THOC5: variants seen among roughly 807,000 people sequenced by gnomAD.
The protein encoded by THOC5 is Fms-interacting protein.
A neutral mutation model predicts 92.9 loss-of-function variants in THOC5; 43 were observed. That is an observed-to-expected ratio of 0.46 (90% CI 0.36 to 0.60). The LOEUF (loss-of-function observed/expected upper bound fraction) is 0.60. Ranked by LOEUF, THOC5 falls within the 20% of genes least tolerant of loss-of-function variation. The pLI is 0.00. For missense variants in THOC5, 659 were observed against 849.4 expected, an observed-to-expected ratio of 0.78 and a Z score of 2.79; for synonymous variants, 296 against 320.1, an observed-to-expected ratio of 0.92 and a Z score of 0.80.
rs1365820850 is a variant in THOC5, at chr22:29,542,862, A to G, written c.449T>C (p.Phe150Ser). The G allele has an allele frequency of 6.2e-7, 1 of 1,612,126 alleles. No individual in the cohort carries two copies. The highest frequency in any genetic ancestry group is 2.2e-5 in the East Asian group (1 of 44,866). ...AGCCCTGTCCTCCCAAACTCACTTA[A>G]ACTCCAAACATTTGGTGATCTCCTT... is the stretch of plus-strand genomic sequence containing the variant. ...LQKEITKCLE[F>S]KSKHEEIDLV... The change falls in exon 5 of 20, where the codon TTT becomes TCT. Residue 150 changes from phenylalanine (F) to serine (S), a missense_variant. Phe to Ser is a radical substitution (Grantham distance 155, BLOSUM62 -2). Coordinates refer to ENST00000490103, the MANE Select transcript of THOC5 (RefSeq NM_003678.5).
At position 29,517,075 on chromosome 22, in the gene THOC5, A is replaced by G; in HGVS notation, c.1635T>C (p.Ala545=). Reference sequence around the variant, plus strand: ...CCATGTAGTAGAGATTGGTGTCCCCAGCCAGTCCCGCATCCACAATGTCTT... The same window carrying G: ...CCATGTAGTAGAGATTGGTGTCCCCGGCCAGTCCCGCATCCACAATGTCTT... The part of the protein sequence containing the change: ...FTKDIVDAGL[A]GDTNLYYMAL... The change falls in exon 17 of 20, where the codon GCT becomes GCC. Residue 545 remains alanine, a synonymous_variant. Coordinates refer to ENST00000490103, the MANE Select transcript of THOC5 (RefSeq NM_003678.5). The G allele has an allele frequency of 6.2e-7, 1 of 1,614,170 alleles. No homozygotes were observed. Among genetic ancestry groups the G allele is most frequent in the Non-Finnish European group, 8.5e-7 (1 of 1,180,034 alleles).
At chr22:29,536,579 G>C (rs200949859) in intron 7 of THOC5, 45 bp downstream of exon 7, 1 of 1,159,660 alleles carries the variant, frequency 8.6e-7, no homozygotes, top group African/African-American at 1.5e-5. Context: ...TTCTGGCAGC[G>C]CCTGGTCAGT....
intron 12 of THOC5, among the ~76,000 whole-genome samples, chr22:29,521,919 C>T (rs1035387997): frequency 1.3e-5 from 2 of 152,100 alleles, no homozygotes; most frequent in South Asian, 4.2e-4. Flanking sequence ...CGTTTTGGCC[C>T]CAGCATGCCT....
At chr22:29,553,109 T>C (rs200205210) in intron 1 of THOC5, among the ~76,000 whole-genome samples, 33 of 152,160 alleles carry the variant, frequency 2.2e-4, no homozygotes, top group African/African-American at 5.8e-4. Flanking sequence ...TGCGGAAGGC[T>C]GCAGGGTCCT....
chr22:29,553,002 G>A (rs936815424), intron 1 of THOC5, among the ~76,000 whole-genome samples: 1 of 152,124 alleles, frequency 6.6e-6, no homozygotes, highest in Non-Finnish European at 1.5e-5. Flanking sequence ...ATTAAGGGCG[G>A]GGCAAGATGT....
At chr22:29,514,686 G>A (rs1167847259) in intron 17 of THOC5, among the ~76,000 whole-genome samples, 1 of 150,540 alleles carries the variant, frequency 6.6e-6, no homozygotes, top group East Asian at 2.0e-4. Context: ...ATTTCACAAT[G>A]CACTCAAATG....
At chr22:29,547,249 T>C (rs562171329) in intron 2 of THOC5, among the ~76,000 whole-genome samples, 1 of 152,206 alleles carries the variant, frequency 6.6e-6, no homozygotes, top group South Asian at 2.1e-4. Context: ...CAGGGGCAAA[T>C]GTTTTCAGTC....
intron 9 of THOC5, 192 bp downstream of exon 9, chr22:29,528,970 G>T (rs975148016): frequency 1.2e-5 from 7 of 594,786 alleles, no homozygotes; most frequent in Non-Finnish European, 2.1e-5. Context: ...TGAGTGGCAG[G>T]GCTGAAATCC....
chr22:29,542,987 G>C, intron 4 of THOC5, 31 bp from the exon 5 acceptor site: 2 of 1,539,098 alleles, frequency 1.3e-6, no homozygotes, highest in Non-Finnish European at 8.9e-7. Flanking sequence ...GAAGTGAGCA[G>C]GGCAAGTCAG....
At position 29,528,800 on chromosome 22, in the gene THOC5, G is replaced by A. The variant is rs1055839163; in HGVS notation, c.926-334C>T. On this transcript the variant is annotated intron_variant, in intron 9 of 19. Transcript: ENST00000490103. ...ATAGTAGTAGAAGCATGCATAACTT[G>A]AGGGGGTACTATGTGCTGAGAATTA... 16 of 502,560 alleles carry A rather than the reference G, an allele frequency of 3.2e-5. No individual in the cohort carries two copies. In the Admixed American group the frequency reaches 3.6e-4, roughly 11 times the overall value. 31.1% of individuals were successfully genotyped at this position (502,560 alleles called of 1,614,324 possible). A position where few individuals can be genotyped will look rare whatever the true frequency, so the allele number is the denominator to read the frequency against.
intron 2 of THOC5, 37 bp from the exon 3 acceptor site, chr22:29,544,640 G>A: frequency 6.6e-7 from 1 of 1,521,150 alleles, no homozygotes; most frequent in Non-Finnish European, 8.9e-7. Flanking sequence ...TGTGCATGGG[G>A]TAAAAGTCTC....
intron 9 of THOC5, 34 bp downstream of exon 9, chr22:29,529,128 G>A (rs1197980937): frequency 1.2e-6 from 2 of 1,608,456 alleles, no homozygotes; most frequent in Admixed American, 1.7e-5. Flanking sequence ...GTGACCTGGT[G>A]TCCCTGGGGG....
At chr22:29,541,008 G>C (rs1469872755) in intron 5 of THOC5, among the ~76,000 whole-genome samples, 1 of 152,050 alleles carries the variant, frequency 6.6e-6, no homozygotes, top group Non-Finnish European at 1.5e-5. Flanking sequence ...TCTGAAGTCA[G>C]GAGTTTGAGA....
chr22:29,553,700 G>C lies in THOC5; in HGVS notation c.-41C>G, dbSNP rs1375412374. On this transcript the variant is annotated 5_prime_UTR_variant, in exon 1 of 20. Coordinates refer to ENST00000490103, the MANE Select transcript of THOC5 (RefSeq NM_003678.5). Reference sequence around the variant, plus strand: ...CAGCTCCAAGAACCTGGCACCGGGAGTAAGCCACTGCCGGAGGCGGAGCAA... The same window carrying C: ...CAGCTCCAAGAACCTGGCACCGGGACTAAGCCACTGCCGGAGGCGGAGCAA... 1.2e-4 allele frequency: 19 copies of C among 152,496 alleles called. No homozygotes were observed. Among genetic ancestry groups the C allele is most frequent in the Admixed American group, 1.2e-3 (18 of 15,284 alleles). 9.4% of individuals were successfully genotyped at this position (152,496 alleles called of 1,614,324 possible). A position where few individuals can be genotyped will look rare whatever the true frequency, so the allele number is the denominator to read the frequency against.
chr22:29,523,808 A>G (rs1254348247), intron 12 of THOC5, among the ~76,000 whole-genome samples: 1 of 152,244 alleles, frequency 6.6e-6, no homozygotes, highest in Non-Finnish European at 1.5e-5. Context: ...CAAAAAATAT[A>G]TGAAAAAAAT....
At chr22:29,552,770 A>G (rs190818236) in intron 1 of THOC5, among the ~76,000 whole-genome samples, 2,312 of 152,290 alleles carry the variant, frequency 0.015, 29 homozygotes, top group Non-Finnish European at 0.022. Flanking sequence ...ACGGGCCATG[A>G]TGACGATGGC....
At chr22:29,533,001 C>A (rs1303860969) in intron 7 of THOC5, among the ~76,000 whole-genome samples, 3 of 152,046 alleles carry the variant, frequency 2.0e-5, no homozygotes, top group Admixed American at 6.6e-5. Context: ...ATAAAATAAA[C>A]AAATGAAAGG....
chr22:29,507,868 G>A lies in THOC5; in HGVS notation c.*589C>T, dbSNP rs561262977. On this transcript the variant is annotated 3_prime_UTR_variant, in exon 20 of 20. Transcript: ENST00000490103. ...ATACACGGATTTTTCAACTGTGCAG[G>A]GCAGGGGGTGTTGGTGCCCCTAACC... 1 of 153,620 alleles carries A rather than the reference G, an allele frequency of 6.5e-6. No homozygotes were observed. Among genetic ancestry groups the A allele is most frequent in the African/African-American group, 2.4e-5 (1 of 41,570 alleles). 9.5% of individuals were successfully genotyped at this position (153,620 alleles called of 1,614,324 possible).
chr22:29,541,583 C>T (rs370322307), intron 5 of THOC5, among the ~76,000 whole-genome samples: 4 of 150,530 alleles, frequency 2.7e-5, no homozygotes, highest in Middle Eastern at 3.5e-3. Context: ...CCGGACCCAC[C>T]GGGTGTGGTG....
Sources: gnomAD v4.1 joint callset for allele counts (sites outside exome capture counted in the v4.1 genomes callset) on GRCh38, gnomAD v4.1.1 for gene constraint, MANE v1.5 for transcripts, NCBI Gene and HGNC (gene_info 2026-07-23, HGNC 2026-07-21) for gene names.